Variants in BPIFB2 observed in about 807,000 individuals in gnomAD.
BPIFB2 encodes the protein BPI fold-containing family B member 2.
In BPIFB2, 39 loss-of-function variants were observed where a neutral mutation model predicts 50.1. The observed-to-expected ratio is 0.78, with a 90% CI of 0.60 to 1.02. The LOEUF is 1.02. Ranked by LOEUF, BPIFB2 falls within the 50% of genes least tolerant of loss-of-function variation. The pLI is 0.00. For synonymous variants in BPIFB2, 280 were observed against 256.3 expected (o/e 1.09, Z -0.88); for missense variants, 574 against 585.8 (o/e 0.98, Z 0.21).
At chr20:33,020,644 G>A (rs1978630361) in intron 13 of BPIFB2, 57 bp downstream of exon 13, 4 of 1,512,998 alleles carry the variant, frequency 2.6e-6, no homozygotes, top group Non-Finnish European at 3.6e-6. Context: ...CACACCTTGA[G>A]CCTGGGGAAG....
rs1978619047 is a variant in BPIFB2, at chr20:33,020,401, CGAG to C, written c.1148+7_1148+9del. 1 of 1,613,774 alleles carries C rather than the reference CGAG, an allele frequency of 6.2e-7. No homozygotes were observed. Among genetic ancestry groups the C allele is most frequent in the Non-Finnish European group, 8.5e-7 (1 of 1,179,842 alleles). On this transcript the variant is annotated splice_region_variant and intron_variant, in intron 12 of 15. Transcript: ENST00000170150. ...GGGACCACGTCTGTGCTGGGGTAAACGAGCCCACCTGGACCCAGCAGCCTCAGT... is the reference window on the plus strand; with the variant it reads ...GGGACCACGTCTGTGCTGGGGTAAACCCCACCTGGACCCAGCAGCCTCAGT...
chr20:33,019,221 C>CTG, intron 10 of BPIFB2, 106 bp downstream of exon 10: 1 of 1,398,758 alleles, frequency 7.1e-7, no homozygotes, highest in Non-Finnish European at 1.0e-6. Context: ...AAGTGAAGTT[C>CTG]AGCATCTGTC....
At position 33,020,574 on chromosome 20, in the gene BPIFB2, T is replaced by C. The variant is rs1449455196; in HGVS notation, c.1181T>C (p.Val394Ala). The C allele has an allele frequency of 6.2e-7, 1 of 1,608,894 alleles. No individual in the cohort carries two copies. The highest frequency in any genetic ancestry group is 8.5e-7 in the Non-Finnish European group (1 of 1,176,760). Reference sequence around the variant, plus strand: ...CAGCTCACGGTGGCCTCCTCCAACGTGGGCTTCATTGATGTGAGTGTGGGG... The same window carrying C: ...CAGCTCACGGTGGCCTCCTCCAACGCGGGCTTCATTGATGTGAGTGTGGGG... ...DVQLTVASSNVGFIDTDQVRT... is the reference protein window; with the variant it reads ...DVQLTVASSNAGFIDTDQVRT... Residue 394 changes from valine (V) to alanine (A), a missense_variant, in exon 13 of 16, where the codon GTG (valine) becomes GCG (alanine). Physicochemically the swap from Val to Ala is moderately conservative, Grantham distance 64. Coordinates refer to ENST00000170150, the MANE Select transcript of BPIFB2 (RefSeq NM_025227.3).
Position 33,009,647 on chromosome 20 carries a change from G to A in BPIFB2, c.109+964G>A, listed in dbSNP as rs1170066836. On this transcript the variant is annotated intron_variant, in intron 2 of 15. Coordinates refer to ENST00000170150, the MANE Select transcript of BPIFB2 (RefSeq NM_025227.3). The surrounding 1 kb of genome is among the most constrained non-coding windows in gnomAD (Gnocchi z 4.2). ...AGGCAATGAAAGGGGTCAGTGATCC[G>A]TGCCAGAGCATGACATGGAGCCATT... Among the ~76,000 whole-genome samples the A allele has an allele frequency of 2.0e-5, 3 of 152,174 alleles. No individual in the cohort carries two copies. The highest frequency in any genetic ancestry group is 4.4e-5 in the Non-Finnish European group (3 of 68,026).
chr20:33,022,185 C>T (rs1254580879), intron 15 of BPIFB2, among the ~76,000 whole-genome samples: 1 of 152,176 alleles, frequency 6.6e-6, no homozygotes, highest in Non-Finnish European at 1.5e-5. Flanking sequence ...TTCCCTGGAC[C>T]TGAAATTGTG....
rs202060122 is a variant in BPIFB2, at chr20:33,021,310, C to T, written c.1224C>T (p.Thr408=). ...ATCAGGTGCGCACACTGATGGGCAC[C>T]GTTTTTGAGAAGCCCCTGCTGGACC... ...DTDQVRTLMG[T]VFEKPLLDHL... The change falls in exon 14 of 16, where the codon ACC becomes ACT. Residue 408 remains threonine (T), a synonymous_variant. Coordinates refer to ENST00000170150, the MANE Select transcript of BPIFB2 (RefSeq NM_025227.3). 1.2e-5 allele frequency: 20 copies of T among 1,613,792 alleles called. No individual in the cohort carries two copies. Among genetic ancestry groups the T allele is most frequent in the African/African-American group, 2.7e-5 (2 of 74,922 alleles).
chr20:33,015,987 G>A (rs920760580), intron 6 of BPIFB2, among the ~76,000 whole-genome samples: 13 of 152,094 alleles, frequency 8.5e-5, no homozygotes, highest in Admixed American at 4.6e-4. Context: ...AGAAGAGTTC[G>A]GGACAGTGGT....
intron 1 of BPIFB2, among the ~76,000 whole-genome samples, chr20:33,008,162 C>T (rs1462083890): frequency 1.3e-5 from 2 of 152,192 alleles, no homozygotes; most frequent in African/African-American, 4.8e-5. Flanking sequence ...TGGACTCCGG[C>T]ATCAGGTGAT....
At chr20:33,018,956 G>T in intron 9 of BPIFB2, 106 bp from the exon 10 acceptor site, 1 of 1,575,110 alleles carries the variant, frequency 6.3e-7, no homozygotes, top group Non-Finnish European at 8.7e-7. Flanking sequence ...GCTGTTGGAA[G>T]GGTTAAACGG....
intron 1 of BPIFB2, among the ~76,000 whole-genome samples, chr20:33,008,264 G>T (rs569257619): frequency 6.6e-6 from 1 of 152,022 alleles, no homozygotes; most frequent in East Asian, 1.9e-4. Flanking sequence ...CTTGGGTCCT[G>T]CACCTGGTCC....
chr20:33,019,842 C>A, intron 11 of BPIFB2, 92 bp downstream of exon 11: 10 of 1,388,550 alleles, frequency 7.2e-6, no homozygotes, highest in Non-Finnish European at 9.6e-6. Context: ...TCTACTCACA[C>A]TATTGTCTTC....
chr20:33,020,226 C>A, intron 11 of BPIFB2, 102 bp from the exon 12 acceptor site: 1 of 1,160,842 alleles, frequency 8.6e-7, no homozygotes, highest in Non-Finnish European at 1.3e-6. Context: ...GCTCCACAGA[C>A]ACCTGCTGCC....
intron 3 of BPIFB2, 101 bp from the exon 4 acceptor site, chr20:33,012,702 T>G (rs1172962218): frequency 1.1e-6 from 1 of 915,906 alleles, no homozygotes; most frequent in East Asian, 2.5e-5. Context: ...CAGAAAGCCC[T>G]TCTTTATAAC....
chr20:33,021,274 G>A lies in BPIFB2; in HGVS notation c.1195-7G>A, dbSNP rs750942719. On this transcript the variant is annotated splice_polypyrimidine_tract_variant and splice_region_variant and intron_variant, in intron 13 of 15. Coordinates refer to ENST00000170150, the MANE Select transcript of BPIFB2 (RefSeq NM_025227.3). Reference sequence around the variant, plus strand: ...ACGGGCCCATCTCCCTGGCTCCGTGGCCACAGACAGATCAGGTGCGCACAC... The same window carrying A: ...ACGGGCCCATCTCCCTGGCTCCGTGACCACAGACAGATCAGGTGCGCACAC... 4 of 1,613,766 alleles carry A rather than the reference G, an allele frequency of 2.5e-6. No individual in the cohort carries two copies. The highest frequency in any genetic ancestry group is 1.1e-5 in the South Asian group (1 of 90,998).
At chr20:33,019,540 C>A in intron 10 of BPIFB2, 40 bp from the exon 11 acceptor site, 2 of 1,537,736 alleles carry the variant, frequency 1.3e-6, no homozygotes, top group East Asian at 2.3e-5. Flanking sequence ...GCCCGCCAGC[C>A]GCTGCCTCAG....
At chr20:33,019,236 A>T (rs370689428) in intron 10 of BPIFB2, 121 bp downstream of exon 10, 14 of 1,227,036 alleles carry the variant, frequency 1.1e-5, no homozygotes, top group Middle Eastern at 1.9e-4. Context: ...TCTGTCCTTA[A>T]ACCTACTCCT....
At chr20:33,020,705 T>G (rs1484514163) in intron 13 of BPIFB2, 118 bp downstream of exon 13, 2 of 1,227,266 alleles carry the variant, frequency 1.6e-6, no homozygotes, top group Non-Finnish European at 1.1e-6. Context: ...GCCACTATAG[T>G]CAGGCTTCCC....
Position 33,015,428 on chromosome 20 carries a change from T to TC in BPIFB2, c.456-5dup, listed in dbSNP as rs751242566. 7 of 1,611,224 alleles carry TC rather than the reference T, an allele frequency of 4.3e-6. No homozygotes were observed. Among genetic ancestry groups the TC allele is most frequent in the Non-Finnish European group, 5.1e-6 (6 of 1,178,828 alleles). Reference sequence around the variant, plus strand: ...AGCCCAGGAACTCTTTCTGTGTTTCTCCCTCAGCACCTCCCACGCGCTGCT... The same window carrying TC: ...AGCCCAGGAACTCTTTCTGTGTTTCTCCCCTCAGCACCTCCCACGCGCTGCT... On this transcript the variant is annotated splice_polypyrimidine_tract_variant and splice_region_variant and intron_variant, in intron 5 of 15. Coordinates refer to ENST00000170150, the MANE Select transcript of BPIFB2 (RefSeq NM_025227.3).
chr20:33,021,426 C>T (rs541297534), intron 14 of BPIFB2, 82 bp downstream of exon 14: 3 of 1,450,200 alleles, frequency 2.1e-6, no homozygotes, highest in Admixed American at 2.0e-5. Context: ...TCCCAGCCCC[C>T]TTCCCACCTC....
Sources: gnomAD v4.1 joint callset for allele counts (sites outside exome capture counted in the v4.1 genomes callset) on GRCh38, gnomAD v4.1.1 for gene constraint, Gnocchi (gnomAD v3.1) non-coding constraint, MANE v1.5 for transcripts, NCBI Gene and HGNC (gene_info 2026-07-23, HGNC 2026-07-21) for gene names.